DR1: variants seen among roughly 807,000 people sequenced by gnomAD.
The protein encoded by DR1 is down-regulator of transcription 1.
Under a neutral mutation model 19.9 loss-of-function variants are expected in DR1, and 7 were observed. The ratio of observed to expected loss-of-function variants is 0.35; its 90% confidence interval spans 0.20 to 0.66. DR1 has a LOEUF of 0.66. DR1 is among the 30% of genes least tolerant of loss of function. The pLI, the probability that DR1 is intolerant of heterozygous loss-of-function variation, is 0.66. For missense variants in DR1, 98 were observed against 203.7 expected, an observed-to-expected ratio of 0.48 and a Z score of 3.16; for synonymous variants, 76 against 72.5, an observed-to-expected ratio of 1.05 and a Z score of -0.24.
At chr1:93,356,173 A>C (rs995055436) in intron 2 of DR1, among the ~76,000 whole-genome samples, 1 of 152,196 alleles carries the variant, frequency 6.6e-6, no homozygotes, top group East Asian at 1.9e-4. Flanking sequence ...ATTACAGTAA[A>C]TATCACTGAA....
Position 93,360,564 on chromosome 1 carries a change from G to A in DR1, c.456G>A (p.Gln152=). The change falls in exon 3 of 3, where the codon CAG becomes CAA. Residue 152 remains glutamine (Q), a synonymous_variant. Coordinates refer to ENST00000370272, the MANE Select transcript of DR1 (RefSeq NM_001938.3). The stretch of plus-strand genomic sequence containing the variant: ...TGCAGCAAGCTGCCCAACAAGCCCA[G>A]CTTGCTGCTGCCTCAGCCAGTGCAT... ...LQMQQAAQQA[Q]LAAASASASN... is the part of the protein sequence containing the mutation. 6.2e-7 allele frequency: 1 copy of A among 1,600,428 alleles called. No individual in the cohort carries two copies. The highest frequency in any genetic ancestry group is 8.5e-7 in the Non-Finnish European group (1 of 1,175,370).
intron 2 of DR1, 118 bp from the exon 3 acceptor site, chr1:93,360,375 A>T (rs1667037166): frequency 1.1e-6 from 1 of 891,380 alleles, no homozygotes; most frequent in African/African-American, 1.8e-5. Flanking sequence ...TAGTACTTGG[A>T]CAGTATCCAA....
In DR1 at chr1:93,346,111, G is replaced by A. The variant is rs1379332884; in HGVS notation, c.-535G>A. The A allele has an allele frequency of 1.4e-5, 3 of 211,698 alleles. No individual in the cohort carries two copies. Among genetic ancestry groups the A allele is most frequent in the African/African-American group, 2.4e-5 (1 of 41,736 alleles). The allele number at this position is 211,698 out of a possible 1,614,324, so 13.1% of individuals were successfully genotyped here. On this transcript the variant is annotated 5_prime_UTR_variant, in exon 1 of 3. Transcript: ENST00000370272. ...AGCAGCGGCAGCGGCAGCGGCAGCG[G>A]CGGACATGTTGTGAGGCGGCGGCGC...
At chr1:93,358,154 C>G (rs1667012343) in intron 2 of DR1, among the ~76,000 whole-genome samples, 1 of 152,014 alleles carries the variant, frequency 6.6e-6, no homozygotes, top group Non-Finnish European at 1.5e-5. Flanking sequence ...AAAGAAATCC[C>G]AAGTATGGAA....
At position 93,361,822 on chromosome 1, in the gene DR1, T is replaced by C. The variant is rs1450391410; in HGVS notation, c.*1183T>C. On this transcript the variant is annotated 3_prime_UTR_variant, in exon 3 of 3. Coordinates refer to ENST00000370272, the MANE Select transcript of DR1 (RefSeq NM_001938.3). ...AAGTTGTGTTATAACTTATCAGCCG[T>C]ATATGGAACATAAATAGTTTCTACC... The C allele has an allele frequency of 1.3e-5, 2 of 152,546 alleles. No individual in the cohort carries two copies. Among genetic ancestry groups the C allele is most frequent in the Non-Finnish European group, 2.9e-5 (2 of 67,918 alleles). 9.4% of individuals were successfully genotyped at this position (152,546 alleles called of 1,614,324 possible).
chr1:93,349,841 A>G (rs981981135), intron 1 of DR1, among the ~76,000 whole-genome samples: 5 of 152,180 alleles, frequency 3.3e-5, no homozygotes, highest in Non-Finnish European at 5.9e-5. Flanking sequence ...TTCAATAGAC[A>G]TAAAATTATT....
chr1:93,351,524 C>T (rs1277819305), intron 1 of DR1, among the ~76,000 whole-genome samples: 1 of 150,518 alleles, frequency 6.6e-6, no homozygotes, highest in Non-Finnish European at 1.5e-5. Context: ...CAAGCTCTGC[C>T]TCCCGGGTTC....
Position 93,365,032 on chromosome 1 carries a change from T to C in DR1, c.*4393T>C, listed in dbSNP as rs1667106403. 6.6e-6 allele frequency: 1 copy of C among 152,196 alleles called. No homozygotes were observed. Among genetic ancestry groups the C allele is most frequent in the South Asian group, 2.1e-4 (1 of 4,832 alleles). The allele number at this position is 152,196 out of a possible 1,614,324, so 9.4% of individuals were successfully genotyped here. ...GCACGCCCAGCTAATTTTTTTTGTT[T>C]TTTTTTAGTAGAGACAGGGTTTCAC... On this transcript the variant is annotated 3_prime_UTR_variant, in exon 3 of 3. Coordinates refer to ENST00000370272, the MANE Select transcript of DR1 (RefSeq NM_001938.3).
rs922072536 is a variant in DR1, at chr1:93,366,885, C to T, written c.*6246C>T. The stretch of plus-strand genomic sequence containing the variant: ...GAGGTGGTGGCTTGCACCTGTAGTC[C>T]CAGCTACTCGGGAGCCTGATGTGGG... On this transcript the variant is annotated 3_prime_UTR_variant, in exon 3 of 3. Transcript: ENST00000370272. 1 of 152,012 alleles carries T rather than the reference C, an allele frequency of 6.6e-6. No homozygotes were observed. The highest frequency in any genetic ancestry group is 2.4e-5 in the African/African-American group (1 of 41,356). 9.4% of individuals were successfully genotyped at this position (152,012 alleles called of 1,614,324 possible). A position where few individuals can be genotyped will look rare whatever the true frequency, so the allele number is the denominator to read the frequency against.
In DR1 at chr1:93,366,770, G is replaced by A. The variant is rs1410530031; in HGVS notation, c.*6131G>A. The stretch of plus-strand genomic sequence containing the variant: ...TGTAATCTCAACACTGGGAAGTCGA[G>A]GTGGGCAGATGGCTTGACCTCAGGA... On this transcript the variant is annotated 3_prime_UTR_variant, in exon 3 of 3. Coordinates refer to ENST00000370272, the MANE Select transcript of DR1 (RefSeq NM_001938.3). 2 of 152,232 alleles carry A rather than the reference G, an allele frequency of 1.3e-5. No individual in the cohort carries two copies. Among genetic ancestry groups the A allele is most frequent in the Admixed American group, 1.3e-4 (2 of 15,290 alleles). 9.4% of individuals were successfully genotyped at this position (152,232 alleles called of 1,614,324 possible).
chr1:93,367,149 C>CAAA lies in DR1; in HGVS notation c.*6525_*6527dup, dbSNP rs10586913. 4.9e-5 allele frequency: 7 copies of CAAA among 142,186 alleles called. No individual in the cohort carries two copies. Among genetic ancestry groups the CAAA allele is most frequent in the African/African-American group, 1.1e-4 (4 of 36,408 alleles). The allele number at this position is 142,186 out of a possible 1,614,324, so 8.8% of individuals were successfully genotyped here. A position where few individuals can be genotyped will look rare whatever the true frequency, so the allele number is the denominator to read the frequency against. On this transcript the variant is annotated 3_prime_UTR_variant, in exon 3 of 3. Coordinates refer to ENST00000370272, the MANE Select transcript of DR1 (RefSeq NM_001938.3). ...TGGGTGACAGAATGAGACCCTGTCT[C>CAAA]AAAAAAAAAAAAAAAAAGTAAAAAT...
rs905003520 is a variant in DR1, at chr1:93,366,975, C to G, written c.*6336C>G. On this transcript the variant is annotated 3_prime_UTR_variant, in exon 3 of 3. Transcript: ENST00000370272. The stretch of plus-strand genomic sequence containing the variant: ...CATGATCACGCTACTGCACTCCAGT[C>G]TGGGCAACAGAGCAAAATCCTATCT... 1 of 151,902 alleles carries G rather than the reference C, an allele frequency of 6.6e-6. No homozygotes were observed. Among genetic ancestry groups the G allele is most frequent in the African/African-American group, 2.4e-5 (1 of 41,372 alleles). 9.4% of individuals were successfully genotyped at this position (151,902 alleles called of 1,614,324 possible).
chr1:93,348,240 ATACTC>A (rs1159659550), intron 1 of DR1, among the ~76,000 whole-genome samples: 1 of 151,938 alleles, frequency 6.6e-6, no homozygotes, highest in Non-Finnish European at 1.5e-5. Context: ...GGTGTGCTGA[ATACTC>A]TAGCAAGTAA....
intron 2 of DR1, among the ~76,000 whole-genome samples, chr1:93,357,011 C>T (rs966072430): frequency 3.9e-5 from 6 of 152,140 alleles, no homozygotes; most frequent in African/African-American, 1.2e-4. Context: ...CATGAGCCAC[C>T]GCGCCCGGCC....
intron 2 of DR1, among the ~76,000 whole-genome samples, chr1:93,359,899 CAG>C (rs1343453788): frequency 6.6e-6 from 1 of 151,806 alleles, no homozygotes; most frequent in African/African-American, 2.4e-5. Flanking sequence ...TGTGTACTTA[CAG>C]AGAGGGAATG....
rs552790379 is a variant in DR1 at position 93,362,041 on chromosome 1, C to T, written c.*1402C>T. On this transcript the variant is annotated 3_prime_UTR_variant, in exon 3 of 3. Transcript: ENST00000370272. ...TTTAAACTTATGTATTCACCAAGCC[C>T]AAAAATAGATTGTGGCTCCCAGGAT... The T allele has an allele frequency of 2.0e-5, 3 of 152,502 alleles. No individual in the cohort carries two copies. In the South Asian group the frequency reaches 6.2e-4, roughly 32 times the overall value. The allele number at this position is 152,502 out of a possible 1,614,324, so 9.4% of individuals were successfully genotyped here.
intron 2 of DR1, chr1:93,355,411 A>T (rs568372037): frequency 6.6e-6 from 1 of 152,280 alleles, no homozygotes; most frequent in South Asian, 2.1e-4. Flanking sequence ...ACTGGGGAAG[A>T]TTGAGTGGGA....
At position 93,360,672 on chromosome 1, in the gene DR1, A is replaced by T; in HGVS notation, c.*33A>T. 1 of 1,575,578 alleles carries T rather than the reference A, an allele frequency of 6.3e-7. No individual in the cohort carries two copies. Among genetic ancestry groups the T allele is most frequent in the Non-Finnish European group, 8.6e-7 (1 of 1,168,516 alleles). ...CAGCTGAGTTTCTATTTCTTCTATA[A>T]ATGTTTTTCCCTGCACAACAAAAAC... On this transcript the variant is annotated 3_prime_UTR_variant, in exon 3 of 3. Coordinates refer to ENST00000370272, the MANE Select transcript of DR1 (RefSeq NM_001938.3).
intron 1 of DR1, among the ~76,000 whole-genome samples, chr1:93,348,534 T>C (rs185588237): frequency 6.6e-6 from 1 of 151,844 alleles, no homozygotes; most frequent in African/African-American, 2.4e-5. Flanking sequence ...TTGGGGAGAG[T>C]TGATTCTTTT....
Sources: allele counts gnomAD v4.1 joint callset (sites outside exome capture counted in the v4.1 genomes callset), GRCh38; gene constraint gnomAD v4.1.1; transcripts MANE v1.5; gene names NCBI Gene and HGNC (gene_info 2026-07-23, HGNC 2026-07-21).